The following NRG1 variants were observed in gnomAD, a reference collection of about 807,000 sequenced individuals.
The protein encoded by NRG1 is pro-neuregulin-1, membrane-bound isoform.
A neutral mutation model predicts 63.8 loss-of-function variants in NRG1; 18 were observed. That is an observed-to-expected ratio of 0.28 (90% CI 0.19 to 0.42). The LOEUF is 0.42. Among genes scored for constraint, NRG1 ranks in the 10% least tolerant of loss-of-function variants. NRG1 has a pLI of 1.00. For synonymous variants in NRG1, 302 were observed against 301.3 expected (o/e 1.00, Z -0.02); for missense variants, 762 against 814.7 (o/e 0.94, Z 0.79).
chr8:31,969,344 CTTTATG>C (rs1342896766), intron 1 of NRG1, among the ~76,000 whole-genome samples: 1 of 152,080 alleles, frequency 6.6e-6, no homozygotes, highest in East Asian at 1.9e-4. Context: ...CAGTAAAAGA[CTTTATG>C]TTCATGTTGT....
At chr8:31,997,934 G>A (rs914623029) in intron 1 of NRG1, among the ~76,000 whole-genome samples, 7 of 151,930 alleles carry the variant, frequency 4.6e-5, no homozygotes, top group African/African-American at 1.4e-4. Flanking sequence ...CCAATAAATG[G>A]AATAAGTAAG....
intron 1 of NRG1, among the ~76,000 whole-genome samples, chr8:32,060,661 G>T (rs146085471): frequency 5.1e-4 from 77 of 152,048 alleles, no homozygotes; most frequent in African/African-American, 1.8e-3. Flanking sequence ...CTGCACAGGA[G>T]AACAACATAT....
At chr8:32,054,855 CTTTCTTTCTTTTTTTTTTTTTTTTTT>C (rs1563731694) in intron 1 of NRG1, among the ~76,000 whole-genome samples, 1 of 56,306 alleles carries the variant, frequency 1.8e-5, no homozygotes, top group African/African-American at 7.5e-5. Context: ...AAGCAGATTT[CTTTCTTTCTTTTTTTTTTTTTTTTTT>C]TTTTTTTTTT....
At chr8:32,758,156 C>G (rs940817064) in intron 9 of NRG1, among the ~76,000 whole-genome samples, 5 of 152,272 alleles carry the variant, frequency 3.3e-5, no homozygotes, top group African/African-American at 9.6e-5. Context: ...GTATTCCTTT[C>G]TATTGGTTTT....
intron 1 of NRG1, chr8:32,287,577 C>T (rs1853680607): frequency 6.6e-6 from 1 of 152,096 alleles, no homozygotes; most frequent in East Asian, 1.9e-4. Context: ...GTTCTTGGAC[C>T]TTATACAAAA....
intron 1 of NRG1, among the ~76,000 whole-genome samples, chr8:32,506,173 T>C (rs910536190): frequency 2.0e-5 from 3 of 152,164 alleles, no homozygotes; most frequent in African/African-American, 7.2e-5. Flanking sequence ...TGTTTGACCC[T>C]GGGAGTTTGA....
chr8:32,305,837 C>A (rs1856132982), intron 1 of NRG1, among the ~76,000 whole-genome samples: 1 of 152,174 alleles, frequency 6.6e-6, no homozygotes, highest in Non-Finnish European at 1.5e-5. Context: ...CAAGTTCTTG[C>A]ATTGCCAGTG....
intron 1 of NRG1, among the ~76,000 whole-genome samples, chr8:32,019,224 G>A (rs898808023): frequency 2.6e-4 from 39 of 152,124 alleles, no homozygotes; most frequent in African/African-American, 7.5e-4. Context: ...TCAGCCTCCC[G>A]AGTAGCTGGG....
intron 1 of NRG1, among the ~76,000 whole-genome samples, chr8:31,693,286 C>T (rs1336979271): frequency 6.6e-6 from 1 of 152,104 alleles, no homozygotes; most frequent in East Asian, 1.9e-4. Context: ...ATCTTTGGAC[C>T]TTTGATAGAG....
At chr8:32,522,047 C>T (rs777461935) in intron 1 of NRG1, among the ~76,000 whole-genome samples, 8 of 152,100 alleles carry the variant, frequency 5.3e-5, no homozygotes, top group African/African-American at 1.7e-4. Context: ...GGCTTTTCGG[C>T]GACAAATCTG....
At chr8:32,338,569 C>T (rs1803638413) in intron 1 of NRG1, among the ~76,000 whole-genome samples, 1 of 152,026 alleles carries the variant, frequency 6.6e-6, no homozygotes, top group Non-Finnish European at 1.5e-5. Flanking sequence ...TCTCAGACCA[C>T]GTGGACTCTC....
intron 1 of NRG1, among the ~76,000 whole-genome samples, chr8:32,205,478 A>G (rs1843952136): frequency 6.6e-6 from 1 of 152,206 alleles, no homozygotes. Flanking sequence ...CTCATGAGAA[A>G]TAAAACGCAG....
At chr8:32,023,401 G>A (rs1285888264) in intron 1 of NRG1, among the ~76,000 whole-genome samples, 1 of 152,208 alleles carries the variant, frequency 6.6e-6, no homozygotes, top group Admixed American at 6.5e-5. Context: ...GGAATGTGCA[G>A]GAAAGGAAGT....
intron 1 of NRG1, among the ~76,000 whole-genome samples, chr8:32,509,837 C>T (rs1224112902): frequency 6.6e-6 from 1 of 152,074 alleles, no homozygotes; most frequent in Non-Finnish European, 1.5e-5. Context: ...TGTGTGTGTA[C>T]TGGAGGTGGT....
intron 1 of NRG1, among the ~76,000 whole-genome samples, chr8:31,915,068 A>G (rs1213411390): frequency 1.2e-5 from 1 of 84,872 alleles, no homozygotes; most frequent in East Asian, 9.1e-4. Flanking sequence ...TTTTGTTCAG[A>G]CCATTTTTTT....
At chr8:32,477,256 G>T (rs1348884759) in intron 1 of NRG1, among the ~76,000 whole-genome samples, 1 of 152,124 alleles carries the variant, frequency 6.6e-6, no homozygotes, top group Non-Finnish European at 1.5e-5. Context: ...CTGCAAGATG[G>T]CATGAACCAG....
intron 1 of NRG1, among the ~76,000 whole-genome samples, chr8:31,822,999 C>A (rs1442495581): frequency 6.6e-6 from 1 of 151,560 alleles, no homozygotes; most frequent in Non-Finnish European, 1.5e-5. Flanking sequence ...GATACAGAAG[C>A]AAATAAATAT....
intron 5 of NRG1, among the ~76,000 whole-genome samples, chr8:32,705,171 C>T (rs566219048): frequency 2.1e-4 from 30 of 143,560 alleles, no homozygotes; most frequent in East Asian, 1.8e-3. Context: ...CTCGCTGTGT[C>T]GCCCAGGCTG....
In NRG1 at chr8:31,890,475, C is replaced by A. The variant is rs117634427; in HGVS notation, c.37+251044C>A. The stretch of plus-strand genomic sequence containing the variant: ...AAAAAGGGGAAGAGACAAAGAGAAT[C>A]CGTTTAGGAAGCTAAGTGTCTGTCT... On this transcript the variant is annotated intron_variant, in intron 1 of 10. Coordinates refer to the NRG1 transcript ENST00000519301. Among the ~76,000 whole-genome samples, 1,352 of 152,190 alleles carry A rather than the reference C, an allele frequency of 8.9e-3. 11 individuals are homozygous for A. Among genetic ancestry groups the A allele is most frequent in the South Asian group, 0.016 (78 of 4,826 alleles).
Sources: gnomAD v4.1 joint callset for allele counts (sites outside exome capture counted in the v4.1 genomes callset) on GRCh38, gnomAD v4.1.1 for gene constraint, MANE v1.5 for transcripts, NCBI Gene and HGNC (gene_info 2026-07-23, HGNC 2026-07-21) for gene names.